The following PTPRK variants were observed in gnomAD, a reference collection of about 807,000 sequenced individuals.
PTPRK encodes receptor-type tyrosine-protein phosphatase kappa.
Under a neutral mutation model 178.0 loss-of-function variants are expected in PTPRK, and 75 were observed. The ratio of observed to expected loss-of-function variants is 0.42; its 90% confidence interval spans 0.35 to 0.51. The LOEUF (loss-of-function observed/expected upper bound fraction) is 0.51. Ranked by LOEUF, PTPRK falls within the 20% of genes least tolerant of loss-of-function variation. The pLI, the probability that PTPRK is intolerant of heterozygous loss-of-function variation, is 0.02. For missense variants in PTPRK, 1,441 were observed against 1,797.8 expected (o/e 0.80, Z 3.59); for synonymous variants, 637 against 620.6 (o/e 1.03, Z -0.39).
At chr6:128,198,773 C>T (rs972181975) in intron 6 of PTPRK, among the ~76,000 whole-genome samples, 1 of 152,154 alleles carries the variant, frequency 6.6e-6, no homozygotes, top group Non-Finnish European at 1.5e-5. Context: ...CTGAAATAAA[C>T]GCACTTTTTC....
chr6:128,134,965 T>C (rs1316642570), intron 7 of PTPRK, among the ~76,000 whole-genome samples: 1 of 152,024 alleles, frequency 6.6e-6, no homozygotes, highest in Non-Finnish European at 1.5e-5. Flanking sequence ...CTAGACTGCC[T>C]TCAGACTCAA....
intron 13 of PTPRK, among the ~76,000 whole-genome samples, chr6:128,036,934 G>T (rs184848063): frequency 6.6e-6 from 1 of 152,062 alleles, no homozygotes; most frequent in Admixed American, 6.5e-5. Flanking sequence ...GTTTCACCAC[G>T]TTGGCCAGAA....
At chr6:128,325,995 A>T (rs1291468780) in intron 2 of PTPRK, among the ~76,000 whole-genome samples, 1 of 152,202 alleles carries the variant, frequency 6.6e-6, no homozygotes, top group East Asian at 1.9e-4. Flanking sequence ...AGCCATAAAA[A>T]AGGATGAGTT....
chr6:128,261,271 T>C (rs1818135789), intron 3 of PTPRK, among the ~76,000 whole-genome samples: 2 of 152,174 alleles, frequency 1.3e-5, no homozygotes, highest in Non-Finnish European at 2.9e-5. Context: ...AATCAATACT[T>C]ATACAGATTT....
chr6:128,171,285 T>C (rs1314108163), intron 7 of PTPRK, among the ~76,000 whole-genome samples: 1 of 152,012 alleles, frequency 6.6e-6, no homozygotes, highest in Non-Finnish European at 1.5e-5. Context: ...TGATGCAGTA[T>C]TTGTCAAAAA....
chr6:128,456,461 A>G (rs376119896), intron 1 of PTPRK, among the ~76,000 whole-genome samples: 3 of 152,116 alleles, frequency 2.0e-5, no homozygotes, highest in Non-Finnish European at 4.4e-5. Context: ...GAGTAAAACC[A>G]TATCAGGAGT....
intron 1 of PTPRK, among the ~76,000 whole-genome samples, chr6:128,399,985 G>T (rs1840808687): frequency 1.3e-5 from 2 of 152,062 alleles, no homozygotes; most frequent in Admixed American, 1.3e-4. Flanking sequence ...AATCCAAGAG[G>T]CATAAAATAT....
chr6:128,283,336 T>C (rs1562203091), intron 3 of PTPRK, among the ~76,000 whole-genome samples: 2 of 152,254 alleles, frequency 1.3e-5, no homozygotes, highest in East Asian at 1.9e-4. Flanking sequence ...GAAATATATA[T>C]AAACCAAGGA....
In PTPRK at chr6:128,219,100, C is replaced by T; in HGVS notation, c.694-4G>A. 1.2e-6 allele frequency: 2 copies of T among 1,604,908 alleles called. No homozygotes were observed. The highest frequency in any genetic ancestry group is 1.7e-6 in the Non-Finnish European group (2 of 1,174,102). Reference sequence around the variant, plus strand: ...GTATATCTTCTCCATTTCGTCTCTGCAAACAGAAACCAATCTTTAAAAACA... The same window carrying T: ...GTATATCTTCTCCATTTCGTCTCTGTAAACAGAAACCAATCTTTAAAAACA... On this transcript the variant is annotated splice_polypyrimidine_tract_variant and splice_region_variant and intron_variant, in intron 5 of 29. Coordinates refer to ENST00000368226, the MANE Select transcript of PTPRK (RefSeq NM_002844.4).
rs146266613 is a variant in PTPRK at position 128,114,854 on chromosome 6, T to C, written c.1163-24862A>G. On this transcript the variant is annotated intron_variant, in intron 7 of 29. Coordinates refer to ENST00000368226, the MANE Select transcript of PTPRK (RefSeq NM_002844.4). ...CAGAGGGGCCACTGAAATAAAGGCATGCCAGGAGCAAAAAGAAAGGCAGGT... is the reference window on the plus strand; with the variant it reads ...CAGAGGGGCCACTGAAATAAAGGCACGCCAGGAGCAAAAAGAAAGGCAGGT... 1.3e-3 allele frequency among the ~76,000 whole-genome samples: 199 copies of C among 152,064 alleles called. 2 individuals are homozygous for C. Among genetic ancestry groups the C allele is most frequent in the East Asian group, 4.2e-3 (22 of 5,178 alleles).
chr6:128,373,176 T>C (rs1836532992), intron 2 of PTPRK, among the ~76,000 whole-genome samples: 1 of 152,174 alleles, frequency 6.6e-6, no homozygotes, highest in South Asian at 2.1e-4. Flanking sequence ...TTTTAGAATT[T>C]TTCTATATAC....
intron 2 of PTPRK, among the ~76,000 whole-genome samples, chr6:128,376,164 C>A (rs1214979704): frequency 1.3e-5 from 2 of 152,150 alleles, no homozygotes; most frequent in Non-Finnish European, 2.9e-5. Flanking sequence ...ATTGTGGGGG[C>A]ATCAACCCCA....
chr6:128,040,582 T>C (rs143977892), intron 13 of PTPRK, among the ~76,000 whole-genome samples: 5 of 152,214 alleles, frequency 3.3e-5, no homozygotes. Context: ...ATTGAAAATA[T>C]GGAACATCTC....
intron 13 of PTPRK, among the ~76,000 whole-genome samples, chr6:128,032,392 T>A (rs1425773098): frequency 6.6e-6 from 1 of 152,116 alleles, no homozygotes; most frequent in Non-Finnish European, 1.5e-5. Context: ...GCGGTTCAGA[T>A]CAGCAACAGG....
At chr6:128,232,899 GT>G (rs1022530816) in intron 5 of PTPRK, among the ~76,000 whole-genome samples, 7 of 152,084 alleles carry the variant, frequency 4.6e-5, no homozygotes, top group African/African-American at 1.4e-4. Flanking sequence ...GCATTGCATT[GT>G]TTTTTCTTTA....
At chr6:128,137,287 C>T (rs779205685) in intron 7 of PTPRK, among the ~76,000 whole-genome samples, 5 of 152,162 alleles carry the variant, frequency 3.3e-5, no homozygotes, top group Non-Finnish European at 7.4e-5. Flanking sequence ...TTAGGGCAAA[C>T]TTAGCTCTAT....
At chr6:128,208,345 A>G (rs1367476885) in intron 6 of PTPRK, among the ~76,000 whole-genome samples, 1 of 151,888 alleles carries the variant, frequency 6.6e-6, no homozygotes. Context: ...TAAAACATTG[A>G]TGTAGGAAAA....
intron 3 of PTPRK, among the ~76,000 whole-genome samples, chr6:128,319,409 T>C (rs1373760357): frequency 6.6e-6 from 1 of 152,124 alleles, no homozygotes; most frequent in Non-Finnish European, 1.5e-5. Flanking sequence ...GAGAACTTCA[T>C]GAGAAAAGGG....
At chr6:128,398,326 G>A (rs1439237482) in intron 1 of PTPRK, among the ~76,000 whole-genome samples, 2 of 152,162 alleles carry the variant, frequency 1.3e-5, no homozygotes, top group Non-Finnish European at 2.9e-5. Flanking sequence ...CAGAAAACAA[G>A]GAAGTTTGCA....
Sources: allele counts gnomAD v4.1 joint callset (sites outside exome capture counted in the v4.1 genomes callset), GRCh38; gene constraint gnomAD v4.1.1; transcripts MANE v1.5; gene names NCBI Gene and HGNC (gene_info 2026-07-23, HGNC 2026-07-21).